Variants in PARVA observed in about 807,000 individuals in gnomAD.
PARVA encodes the protein parvin alpha.
In PARVA, 25 loss-of-function variants were observed where a neutral mutation model predicts 52.6. The observed-to-expected ratio is 0.48, with a 90% CI of 0.35 to 0.66. The LOEUF (loss-of-function observed/expected upper bound fraction) is 0.66. Among genes scored for constraint, PARVA ranks in the 30% least tolerant of loss-of-function variants. PARVA has a pLI of 0.01. For missense variants in PARVA, 373 were observed against 450.9 expected (o/e 0.83, Z 1.56); for synonymous variants, 185 against 179.1 (o/e 1.03, Z -0.26).
chr11:12,526,579 G>C (rs10831843), intron 12 of PARVA, among the ~76,000 whole-genome samples: 79,454 of 151,952 alleles, frequency 0.52, 22,697 homozygotes, highest in Non-Finnish European at 0.65. Flanking sequence ...CCAGGACAAA[G>C]AAAAAAGTAA....
At chr11:12,508,675 TA>T in intron 7 of PARVA, 33 bp downstream of exon 7, 2 of 1,460,632 alleles carry the variant, frequency 1.4e-6, no homozygotes, top group Non-Finnish European at 9.6e-7. Context: ...AGCGATTCTG[TA>T]ATGGAACACA....
chr11:12,443,169 C>CTTTTTCTTTTTTT (rs1554896270), intron 1 of PARVA, among the ~76,000 whole-genome samples: 1 of 78,328 alleles, frequency 1.3e-5, no homozygotes, highest in African/African-American at 5.0e-5. Flanking sequence ...CGCCCCCCTT[C>CTTTTTCTTTTTTT]TTTTTTTTTT....
chr11:12,434,372 ACCCCC>A (rs1940358295), intron 1 of PARVA, among the ~76,000 whole-genome samples: 2 of 151,602 alleles, frequency 1.3e-5, no homozygotes, highest in African/African-American at 4.8e-5. Context: ...GCCTGCTGGG[ACCCCC>A]AGTACTTTTC....
intron 1 of PARVA, among the ~76,000 whole-genome samples, chr11:12,393,462 C>A (rs1032976286): frequency 1.3e-5 from 2 of 152,124 alleles, no homozygotes; most frequent in Non-Finnish European, 2.9e-5. Context: ...TTATTTCTTG[C>A]TTACAGCACA....
At chr11:12,448,841 A>G (rs1478977321) in intron 1 of PARVA, among the ~76,000 whole-genome samples, 1 of 152,128 alleles carries the variant, frequency 6.6e-6, no homozygotes, top group African/African-American at 2.4e-5. Context: ...TTCCAGAGAT[A>G]TCAGCAGACG....
At chr11:12,411,552 T>G (rs546016473) in intron 1 of PARVA, among the ~76,000 whole-genome samples, 1 of 152,342 alleles carries the variant, frequency 6.6e-6, no homozygotes, top group South Asian at 2.1e-4. Context: ...AGGTTCCTCT[T>G]GGCTATAATA....
chr11:12,523,946 C>T (rs1941669744), intron 12 of PARVA, among the ~76,000 whole-genome samples: 1 of 152,240 alleles, frequency 6.6e-6, no homozygotes, highest in Admixed American at 6.5e-5. Flanking sequence ...TTTTGGCCTA[C>T]TAGTCTGCCT....
upstream of PARVA, chr11:12,376,767 TC>T: frequency 1.0e-6 from 1 of 974,070 alleles, no homozygotes; most frequent in African/African-American, 1.8e-5. Context: ...TTTAATCATT[TC>T]CAGTATGAGT....
At position 12,499,354 on chromosome 11, in the gene PARVA, C is replaced by G. The variant is rs561598061; in HGVS notation, c.541+2756C>G. On this transcript the variant is annotated intron_variant, in intron 5 of 12. Coordinates refer to ENST00000334956, the MANE Select transcript of PARVA (RefSeq NM_018222.5). Reference sequence around the variant, plus strand: ...GGATGTAAACCTGAGGACACTGTGGCGCCTCTCCGCTCAGGATGAGGGTGG... The same window carrying G: ...GGATGTAAACCTGAGGACACTGTGGGGCCTCTCCGCTCAGGATGAGGGTGG... Among the ~76,000 whole-genome samples, 4 of 151,936 alleles carry G rather than the reference C, an allele frequency of 2.6e-5. No individual in the cohort carries two copies. In the South Asian group the frequency reaches 8.4e-4, roughly 32 times the overall value.
At chr11:12,420,025 G>C (rs1209340283) in intron 1 of PARVA, among the ~76,000 whole-genome samples, 1 of 152,136 alleles carries the variant, frequency 6.6e-6, no homozygotes, top group African/African-American at 2.4e-5. Flanking sequence ...TATAAGTTCT[G>C]TTCAGTAATG....
chr11:12,459,543 C>T lies in PARVA; in HGVS notation c.137-14202C>T, dbSNP rs1322821702. 1.3e-5 allele frequency among the ~76,000 whole-genome samples: 2 copies of T among 152,154 alleles called. 1 individual carries two copies. The highest frequency in any genetic ancestry group is 4.8e-5 in the African/African-American group (2 of 41,424). On this transcript the variant is annotated intron_variant, in intron 1 of 12. Coordinates refer to ENST00000334956, the MANE Select transcript of PARVA (RefSeq NM_018222.5). ...GTCTGCCTGTGAGCACCCACTCACCCTTCATAGCTGGGAAATGACCCAACT... is the reference window on the plus strand; with the variant it reads ...GTCTGCCTGTGAGCACCCACTCACCTTTCATAGCTGGGAAATGACCCAACT...
chr11:12,528,171 C>G lies in PARVA; in HGVS notation c.*246C>G. On this transcript the variant is annotated 3_prime_UTR_variant, in exon 13 of 13. Coordinates refer to ENST00000334956, the MANE Select transcript of PARVA (RefSeq NM_018222.5). ...TGAAGGTTGGGAAGGTTGTTCCCTT[C>G]CCGGTGCCAGGTCCAGATTTCCCTC... is the stretch of plus-strand genomic sequence containing the variant. 1 of 511,492 alleles carries G rather than the reference C, an allele frequency of 2.0e-6. No homozygotes were observed. Among genetic ancestry groups the G allele is most frequent in the Admixed American group, 3.2e-5 (1 of 31,372 alleles). 31.7% of individuals were successfully genotyped at this position (511,492 alleles called of 1,614,324 possible). A position where few individuals can be genotyped will look rare whatever the true frequency, so the allele number is the denominator to read the frequency against.
rs190303652 is a variant in PARVA, at chr11:12,497,700, G to A, written c.541+1102G>A. Among the ~76,000 whole-genome samples, 304 of 152,296 alleles carry A rather than the reference G, an allele frequency of 2.0e-3. 1 individual carries two copies. The highest frequency in any genetic ancestry group is 6.9e-3 in the African/African-American group (287 of 41,566). On this transcript the variant is annotated intron_variant, in intron 5 of 12. Transcript: ENST00000334956. ...CCTGAGGGCAGGAGGAGGGGAGGCC[G>A]TGCCCTGGGCCCTAGATGCTATCAA...
At chr11:12,519,879 C>T (rs1291009682) in intron 12 of PARVA, among the ~76,000 whole-genome samples, 1 of 152,186 alleles carries the variant, frequency 6.6e-6, no homozygotes, top group East Asian at 1.9e-4. Context: ...TTGGCAAGGC[C>T]ACTCCAGCCT....
intron 1 of PARVA, among the ~76,000 whole-genome samples, chr11:12,435,884 C>T (rs1940380237): frequency 1.3e-5 from 2 of 152,122 alleles, no homozygotes; most frequent in Admixed American, 6.5e-5. Flanking sequence ...GTGGCGTGAT[C>T]TCGGCTCACT....
intron 7 of PARVA, among the ~76,000 whole-genome samples, chr11:12,509,124 C>CCTGGTT (rs1314160632): frequency 7.1e-6 from 1 of 140,050 alleles, no homozygotes; most frequent in Non-Finnish European, 1.5e-5. Flanking sequence ...GATATCAGAA[C>CCTGGTT]CTATCAAAAT....
At chr11:12,396,019 T>A (rs564943910) in intron 1 of PARVA, among the ~76,000 whole-genome samples, 1 of 152,324 alleles carries the variant, frequency 6.6e-6, no homozygotes, top group Admixed American at 6.5e-5. Flanking sequence ...TCCTTTTATT[T>A]GTATACGTAT....
intron 1 of PARVA, among the ~76,000 whole-genome samples, chr11:12,467,278 TTTTG>T (rs1050608008): frequency 1.3e-5 from 2 of 152,326 alleles, no homozygotes; most frequent in African/African-American, 2.4e-5. Context: ...AGCATTGGTG[TTTTG>T]TTTGTTTGTT....
At chr11:12,522,588 T>A (rs1320174093) in intron 12 of PARVA, among the ~76,000 whole-genome samples, 1 of 151,868 alleles carries the variant, frequency 6.6e-6, no homozygotes, top group Non-Finnish European at 1.5e-5. Flanking sequence ...CCAGCTAATT[T>A]TTGTATTTTT....
Sources: allele counts gnomAD v4.1 joint callset (sites outside exome capture counted in the v4.1 genomes callset), GRCh38; gene constraint gnomAD v4.1.1; transcripts MANE v1.5; gene names NCBI Gene and HGNC (gene_info 2026-07-23, HGNC 2026-07-21).